The following FANCD2 variants were observed in gnomAD, a reference collection of about 807,000 sequenced individuals.
The protein encoded by FANCD2 is FA complementation group D2.
Under a neutral mutation model 192.3 loss-of-function variants are expected in FANCD2, and 131 were observed. The ratio of observed to expected loss-of-function variants is 0.68; its 90% CI spans 0.59 to 0.79. FANCD2 has a LOEUF of 0.79. Ranked by LOEUF, FANCD2 falls within the 30% of genes least tolerant of loss-of-function variation. The pLI is 0.00. For synonymous variants in FANCD2, 524 were observed against 612.5 expected, an observed-to-expected ratio of 0.86 and a Z score of 2.13; for missense variants, 1,508 against 1,701.6, an observed-to-expected ratio of 0.89 and a Z score of 2.00.
chr3:10,101,425 T>C lies in FANCD2; in HGVS notation c.*163T>C, dbSNP rs1695295661. On this transcript the variant is annotated 3_prime_UTR_variant, in exon 44 of 44. Transcript: ENST00000675286. ...TTTAAAGACGGGGACTCGCTGTGTT[T>C]CCCAGGCTGGAGTGCAGTGCTGCAA... 2.2e-5 allele frequency: 13 copies of C among 587,472 alleles called. 1 individual carries two copies. In the Admixed American group the frequency reaches 3.8e-4, roughly 17 times the overall value. The allele number at this position is 587,472 out of a possible 1,614,324, so 36.4% of individuals were successfully genotyped here.
At chr3:10,095,016 G>T in intron 40 of FANCD2, 184 bp from the exon 41 acceptor site, 1 of 630,610 alleles carries the variant, frequency 1.6e-6, no homozygotes, top group Non-Finnish European at 2.9e-6. Context: ...GGACAGAAAT[G>T]GGAGAGTTGA....
intron 26 of FANCD2, among the ~76,000 whole-genome samples, chr3:10,071,945 A>C (rs1341472743): frequency 1.3e-5 from 2 of 151,770 alleles, no homozygotes; most frequent in East Asian, 3.9e-4. Context: ...CTTTTGGTGC[A>C]GATGGGGTTT....
chr3:10,076,853 G>A (rs1046516688), intron 29 of FANCD2, among the ~76,000 whole-genome samples: 4 of 152,162 alleles, frequency 2.6e-5, no homozygotes, highest in Non-Finnish European at 5.9e-5. Flanking sequence ...CTGAGCTCAA[G>A]CGATTCTTCT....
chr3:10,057,434 A>T (rs1422957967), intron 18 of FANCD2, among the ~76,000 whole-genome samples: 5 of 150,038 alleles, frequency 3.3e-5, no homozygotes, highest in Admixed American at 6.7e-5. Flanking sequence ...GCACAATCTC[A>T]GCTCACTCCA....
At position 10,062,071 on chromosome 3, in the gene FANCD2, T is replaced by G. The variant is rs1289206529; in HGVS notation, c.1767-80T>G. 4.7e-6 allele frequency: 5 copies of G among 1,055,152 alleles called. No homozygotes were observed. In the African/African-American group the frequency reaches 8.0e-5, roughly 17 times the overall value. 65.4% of individuals were successfully genotyped at this position (1,055,152 alleles called of 1,614,324 possible). A position where few individuals can be genotyped will look rare whatever the true frequency, so the allele number is the denominator to read the frequency against. On this transcript the variant is annotated intron_variant, in intron 19 of 43. Coordinates refer to ENST00000675286, the MANE Select transcript of FANCD2 (RefSeq NM_001018115.3). ...CCAACATGGCACATGTATACATATG[T>G]AACAAACCTGCACGTTGTGCACATG...
At chr3:10,027,567 C>T (rs1185905366) in intron 1 of FANCD2, among the ~76,000 whole-genome samples, 1 of 152,160 alleles carries the variant, frequency 6.6e-6, no homozygotes, top group Non-Finnish European at 1.5e-5. Flanking sequence ...CCTACCCCTT[C>T]TACTGGCTAA....
intron 3 of FANCD2, among the ~76,000 whole-genome samples, chr3:10,033,864 ATTT>A (rs1407619514): frequency 6.6e-6 from 1 of 150,844 alleles, no homozygotes; most frequent in Non-Finnish European, 1.5e-5. Flanking sequence ...TGCCTGACTA[ATTT>A]TTTGTATTTT....
At chr3:10,078,755 G>C (rs1285228345) in intron 30 of FANCD2, among the ~76,000 whole-genome samples, 1 of 151,928 alleles carries the variant, frequency 6.6e-6, no homozygotes, top group Non-Finnish European at 1.5e-5. Context: ...CTTGAGTTCA[G>C]GAGTTCAAGA....
chr3:10,054,364 T>G (rs1160143537), intron 18 of FANCD2, among the ~76,000 whole-genome samples: 1 of 110,654 alleles, frequency 9.0e-6, no homozygotes, highest in Non-Finnish European at 1.7e-5. Flanking sequence ...TATATATATA[T>G]ATACGTGTAT....
chr3:10,068,633 G>GAA (rs1204764998), intron 26 of FANCD2, among the ~76,000 whole-genome samples: 1 of 137,754 alleles, frequency 7.3e-6, no homozygotes, highest in East Asian at 2.1e-4. Context: ...CACAGAAATA[G>GAA]AAAAAAAAAA....
intron 1 of FANCD2, among the ~76,000 whole-genome samples, chr3:10,028,146 G>C (rs1295496332): frequency 1.3e-5 from 2 of 151,682 alleles, no homozygotes; most frequent in African/African-American, 2.4e-5. Context: ...AAATTTCCTA[G>C]TAAGCCCTCA....
At chr3:10,098,443 C>T (rs1010851897) in intron 42 of FANCD2, among the ~76,000 whole-genome samples, 1 of 152,130 alleles carries the variant, frequency 6.6e-6, no homozygotes, top group African/African-American at 2.4e-5. Flanking sequence ...CTTAGAGTCA[C>T]CAATACAGTC....
At chr3:10,076,034 TC>T (rs1431954036) in intron 29 of FANCD2, among the ~76,000 whole-genome samples, 2 of 141,126 alleles carry the variant, frequency 1.4e-5, no homozygotes, top group Non-Finnish European at 3.0e-5. Context: ...CCCAGCCATA[TC>T]TTTTTTTTTT....
At chr3:10,035,368 T>C (rs993178836) in intron 6 of FANCD2, 135 bp downstream of exon 6, 18 of 767,292 alleles carry the variant, frequency 2.3e-5, no homozygotes, top group Non-Finnish European at 3.7e-5. Context: ...AGCACAGCCC[T>C]GTTGCTGTGA....
chr3:10,065,446 G>A lies in FANCD2; in HGVS notation c.2221G>A (p.Val741Met). The A allele has an allele frequency of 1.2e-6, 2 of 1,614,010 alleles. No individual in the cohort carries two copies. The highest frequency in any genetic ancestry group is 2.2e-5 in the South Asian group (2 of 91,070). ...APYFRLLRLC[V>M]ERQHNGNLEE... ...GTATTTCCGGTTACTGAGACTTTGT[G>A]TGGAGAGACAGCATAACGGAAACTT... Residue 741 changes from valine to methionine, a missense_variant, in exon 24 of 44, where the codon GTG (valine) becomes ATG (methionine). This residue lies in a region of FANCD2 where 796 missense variants were observed against 879.4 expected (regional missense o/e 0.91). Transcript: ENST00000675286.
At chr3:10,032,713 A>T in intron 2 of FANCD2, 119 bp from the exon 3 acceptor site, 1 of 821,476 alleles carries the variant, frequency 1.2e-6, no homozygotes. Context: ...CTACAGCATC[A>T]ATCCTAGTAT....
rs1430029954 is a variant in FANCD2, at chr3:10,067,569, G to A, written c.2494+252G>A. On this transcript the variant is annotated intron_variant, in intron 26 of 43. Transcript: ENST00000675286. ...TCCTAGCACTTTTGGAAGCCAAGGC[G>A]GGTGGATCACTTGAGGTCAGGAATT... is the stretch of plus-strand genomic sequence containing the variant. 8.5e-5 allele frequency among the ~76,000 whole-genome samples: 13 copies of A among 152,180 alleles called. No homozygotes were observed. In the East Asian group the frequency reaches 1.5e-3, roughly 18 times the overall value.
intron 23 of FANCD2, among the ~76,000 whole-genome samples, 200 bp downstream of exon 23, chr3:10,065,075 C>G (rs1575793507): frequency 6.6e-6 from 1 of 152,098 alleles, no homozygotes; most frequent in Non-Finnish European, 1.5e-5. Context: ...TGTGAGCCAA[C>G]AGATATTCTG....
At chr3:10,027,316 A>C (rs2086476828) in intron 1 of FANCD2, among the ~76,000 whole-genome samples, 1 of 152,216 alleles carries the variant, frequency 6.6e-6, no homozygotes, top group Admixed American at 6.5e-5. Context: ...TAGGAGGAAC[A>C]CTTTTCAAGG....
Sources: gnomAD v4.1 joint callset for allele counts (sites outside exome capture counted in the v4.1 genomes callset) on GRCh38, gnomAD v4.1.1 for gene constraint, gnomAD v4.1.1 regional missense constraint, MANE v1.5 for transcripts, NCBI Gene and HGNC (gene_info 2026-07-23, HGNC 2026-07-21) for gene names.